Variants in NALF1 observed in about 807,000 individuals in gnomAD.
NALF1 encodes the protein NALCN channel auxiliary factor 1, also known as family with sequence similarity 155 member A.
A neutral mutation model predicts 48.4 loss-of-function variants in NALF1; 3 were observed. That is an observed-to-expected ratio of 0.06 (90% CI 0.03 to 0.16). The LOEUF (loss-of-function observed/expected upper bound fraction) is 0.16. Among genes scored for constraint, NALF1 ranks in the 10% least tolerant of loss-of-function variants. The pLI is 1.00. For synonymous variants in NALF1, 262 were observed against 245.7 expected (o/e 1.07, Z -0.62); for missense variants, 526 against 571.5 (o/e 0.92, Z 0.81).
intron 1 of NALF1, among the ~76,000 whole-genome samples, chr13:107,678,832 C>T (rs974955651): frequency 6.6e-6 from 1 of 152,132 alleles, no homozygotes; most frequent in African/African-American, 2.4e-5. Flanking sequence ...GAAACCATCC[C>T]CATGATTCAG....
chr13:107,644,455 C>A (rs1330855467), intron 1 of NALF1, among the ~76,000 whole-genome samples: 1 of 151,488 alleles, frequency 6.6e-6, no homozygotes, highest in African/African-American at 2.4e-5. Flanking sequence ...TGCTAAGTAG[C>A]CAATAAATGG....
chr13:107,301,766 C>T (rs1483838409), intron 1 of NALF1, among the ~76,000 whole-genome samples: 1 of 152,086 alleles, frequency 6.6e-6, no homozygotes, highest in Non-Finnish European at 1.5e-5. Flanking sequence ...ATTATTCTCA[C>T]ATATTTTGGA....
intron 1 of NALF1, among the ~76,000 whole-genome samples, chr13:107,577,114 A>G (rs951563335): frequency 9.9e-5 from 15 of 152,178 alleles, no homozygotes; most frequent in Admixed American, 9.8e-4. Context: ...CTCCAGAAAG[A>G]TATTTTGGAG....
intron 1 of NALF1, among the ~76,000 whole-genome samples, chr13:107,740,179 T>C (rs1191863161): frequency 3.3e-5 from 5 of 152,184 alleles, no homozygotes. Flanking sequence ...TAACTCAATA[T>C]ATACATTGCA....
chr13:107,599,940 T>C (rs1429784263), intron 1 of NALF1, among the ~76,000 whole-genome samples: 3 of 152,058 alleles, frequency 2.0e-5, no homozygotes, highest in Non-Finnish European at 1.5e-5. Context: ...TTTTGATCAT[T>C]TCCCCACTAT....
At chr13:107,582,102 C>T (rs1320394043) in intron 1 of NALF1, among the ~76,000 whole-genome samples, 4 of 151,292 alleles carry the variant, frequency 2.6e-5, no homozygotes, top group Admixed American at 2.0e-4. Context: ...ACATTATCTA[C>T]ACTATATATA....
chr13:107,223,340 AT>A (rs543910021), intron 1 of NALF1, among the ~76,000 whole-genome samples: 5 of 150,918 alleles, frequency 3.3e-5, no homozygotes, highest in African/African-American at 4.9e-5. Flanking sequence ...TTAATAACTC[AT>A]TTTTTTTTGC....
At chr13:107,608,635 T>G (rs1879137943) in intron 1 of NALF1, among the ~76,000 whole-genome samples, 1 of 152,098 alleles carries the variant, frequency 6.6e-6, no homozygotes, top group African/African-American at 2.4e-5. Flanking sequence ...ATTCTAGAAG[T>G]GTAAGCAACG....
At chr13:107,234,771 A>C (rs1311072842) in intron 1 of NALF1, among the ~76,000 whole-genome samples, 1 of 152,244 alleles carries the variant, frequency 6.6e-6, no homozygotes, top group Non-Finnish European at 1.5e-5. Flanking sequence ...CTTTGCTTTA[A>C]GAATTTTAAA....
At chr13:107,589,629 A>C (rs1245644665) in intron 1 of NALF1, among the ~76,000 whole-genome samples, 1 of 152,060 alleles carries the variant, frequency 6.6e-6, no homozygotes, top group Non-Finnish European at 1.5e-5. Flanking sequence ...ACACCTGTTT[A>C]GTTTTCATAA....
intron 1 of NALF1, among the ~76,000 whole-genome samples, chr13:107,555,195 C>T (rs893237586): frequency 1.3e-5 from 2 of 151,912 alleles, no homozygotes; most frequent in East Asian, 1.9e-4. Flanking sequence ...CTGGATATTA[C>T]GCATTTCTTC....
chr13:107,253,564 T>C (rs1378003912), intron 1 of NALF1, among the ~76,000 whole-genome samples: 2 of 152,160 alleles, frequency 1.3e-5, no homozygotes, highest in Non-Finnish European at 2.9e-5. Flanking sequence ...GGAATTCAGG[T>C]CGCATACTTC....
intron 1 of NALF1, among the ~76,000 whole-genome samples, chr13:107,668,699 T>C (rs899392991): frequency 3.3e-5 from 5 of 152,084 alleles, no homozygotes; most frequent in African/African-American, 1.2e-4. Context: ...TCCTATGATA[T>C]CTGAGATGTG....
chr13:107,725,527 T>C (rs9301253), intron 1 of NALF1, among the ~76,000 whole-genome samples: 107,947 of 152,086 alleles, frequency 0.71, 40,657 homozygotes, highest in Non-Finnish European at 0.84. Flanking sequence ...GGCCAAAATA[T>C]AGTGAAACCC....
chr13:107,638,187 T>TTATATA lies in NALF1; in HGVS notation c.915+227489_915+227494dup, dbSNP rs559263292. 1.7e-3 allele frequency among the ~76,000 whole-genome samples: 89 copies of TTATATA among 53,114 alleles called. 7 individuals carry two copies. Among genetic ancestry groups the TTATATA allele is most frequent in the South Asian group, 6.5e-3 (11 of 1,686 alleles). 34.8% of individuals were successfully genotyped at this position (53,114 alleles called of 152,430 possible). A position where few individuals can be genotyped will look rare whatever the true frequency, so the allele number is the denominator to read the frequency against. On this transcript the variant is annotated intron_variant, in intron 1 of 2. Transcript: ENST00000375915. ...TATATATCCCTATCTATATAAAGAT[T>TTATATA]TATATATATATATATATATAATTTA... is the stretch of plus-strand genomic sequence containing the variant.
At chr13:107,592,483 G>A (rs1243165842) in intron 1 of NALF1, among the ~76,000 whole-genome samples, 1 of 151,784 alleles carries the variant, frequency 6.6e-6, no homozygotes, top group Non-Finnish European at 1.5e-5. Context: ...TTACACCATT[G>A]CTATGAAAAA....
intron 1 of NALF1, among the ~76,000 whole-genome samples, chr13:107,340,439 CCTTT>C (rs1288219181): frequency 2.7e-5 from 3 of 111,242 alleles, no homozygotes; most frequent in African/African-American, 1.1e-4. Flanking sequence ...CGGCGCCTGA[CCTTT>C]CTCTTTCTTT....
intron 1 of NALF1, among the ~76,000 whole-genome samples, chr13:107,406,470 C>A (rs187680623): frequency 2.1e-3 from 324 of 151,814 alleles, no homozygotes; most frequent in African/African-American, 7.1e-3. Context: ...TGAAAGAACC[C>A]TACAATGAAA....
chr13:107,747,490 G>T (rs1253178641), intron 1 of NALF1, among the ~76,000 whole-genome samples: 3 of 151,994 alleles, frequency 2.0e-5, no homozygotes, highest in African/African-American at 7.3e-5. Flanking sequence ...GTCTCCCATT[G>T]TCTCAAACAC....
Sources: gnomAD v4.1 joint callset for allele counts (sites outside exome capture counted in the v4.1 genomes callset) on GRCh38, gnomAD v4.1.1 for gene constraint, MANE v1.5 for transcripts, NCBI Gene and HGNC (gene_info 2026-07-23, HGNC 2026-07-21) for gene names.